Variants in ZFHX3 observed in about 807,000 individuals in gnomAD.
The protein encoded by ZFHX3 is zinc finger homeobox protein 3.
Under a neutral mutation model 279.1 loss-of-function variants are expected in ZFHX3, and 42 were observed. The observed-to-expected ratio is 0.15, with a 90% CI of 0.12 to 0.19. The LOEUF (loss-of-function observed/expected upper bound fraction) is 0.19. Among genes scored for constraint, ZFHX3 ranks in the 10% least tolerant of loss-of-function variants. ZFHX3 has a pLI of 1.00. For synonymous variants in ZFHX3, 2,293 were observed against 1,957.8 expected (o/e 1.17, Z -4.52); for missense variants, 4,981 against 4,754.0 (o/e 1.05, Z -1.40).
chr16:72,888,150 G>A (rs2038677724), intron 4 of ZFHX3, among the ~76,000 whole-genome samples: 1 of 152,172 alleles, frequency 6.6e-6, no homozygotes, highest in Admixed American at 6.5e-5. Flanking sequence ...AAGGGGGTGG[G>A]AGAGGGCCAT....
intron 4 of ZFHX3, among the ~76,000 whole-genome samples, chr16:73,296,277 C>A (rs1459852408): frequency 6.6e-6 from 1 of 152,056 alleles, no homozygotes; most frequent in East Asian, 1.9e-4. Flanking sequence ...AAGCTAAGAC[C>A]TTGTATGATA....
chr16:72,886,014 T>C (rs1243514235), intron 4 of ZFHX3, among the ~76,000 whole-genome samples: 4 of 152,190 alleles, frequency 2.6e-5, no homozygotes, highest in Admixed American at 2.0e-4. Context: ...AAATTTGAAG[T>C]TGATCATCTT....
intron 3 of ZFHX3, among the ~76,000 whole-genome samples, chr16:72,891,708 G>T (rs1302974471): frequency 6.6e-6 from 1 of 152,188 alleles, no homozygotes; most frequent in Non-Finnish European, 1.5e-5. Context: ...TCCTTTTGAA[G>T]GAGGAAATTC....
intron 1 of ZFHX3, among the ~76,000 whole-genome samples, chr16:73,834,911 C>CG (rs1031176712): frequency 1.2e-4 from 19 of 152,160 alleles, no homozygotes; most frequent in Non-Finnish European, 2.2e-4. Context: ...AGCGTCTCCC[C>CG]CCGTGGGGTC....
intron 2 of ZFHX3, among the ~76,000 whole-genome samples, chr16:73,495,395 G>A (rs1255397323): frequency 6.6e-6 from 1 of 152,158 alleles, no homozygotes; most frequent in Non-Finnish European, 1.5e-5. Flanking sequence ...GGATGCAAAC[G>A]AAAGAAATTG....
chr16:73,566,336 A>G lies in ZFHX3; in HGVS notation c.-1546-110078T>C, dbSNP rs554779419. On this transcript the variant is annotated intron_variant, in intron 2 of 17. Transcript: ENST00000641206. ...ATTTCTGGCTGTATGAGTTTCCCAGAGCTGCCATACCAAATTCCCACAAAC... is the reference window on the plus strand; with the variant it reads ...ATTTCTGGCTGTATGAGTTTCCCAGGGCTGCCATACCAAATTCCCACAAAC... Among the ~76,000 whole-genome samples, 33 of 152,346 alleles carry G rather than the reference A, an allele frequency of 2.2e-4. No homozygotes were observed. The East Asian group carries it at 6.0e-3, about 28-fold the overall frequency.
At chr16:73,074,929 C>A (rs1474809566) in intron 8 of ZFHX3, among the ~76,000 whole-genome samples, 1 of 152,076 alleles carries the variant, frequency 6.6e-6, no homozygotes, top group Non-Finnish European at 1.5e-5. Context: ...TAATTAGCCT[C>A]CCAAGTAGCT....
At chr16:73,819,922 T>C (rs1446128000) in intron 1 of ZFHX3, among the ~76,000 whole-genome samples, 1 of 152,178 alleles carries the variant, frequency 6.6e-6, no homozygotes, top group Non-Finnish European at 1.5e-5. Flanking sequence ...GCAGATCTTA[T>C]TTTCCAAAGA....
intron 5 of ZFHX3, among the ~76,000 whole-genome samples, chr16:73,178,224 G>T (rs1292731624): frequency 6.6e-6 from 1 of 151,292 alleles, no homozygotes; most frequent in East Asian, 1.9e-4. Context: ...TGCAACCTCT[G>T]CCTCCTCAGT....
At chr16:73,227,751 A>T (rs1012796733) in intron 5 of ZFHX3, among the ~76,000 whole-genome samples, 1 of 145,422 alleles carries the variant, frequency 6.9e-6, no homozygotes, top group African/African-American at 2.5e-5. Context: ...CAGGAGGCTG[A>T]GGCATGATAA....
chr16:73,781,452 G>A (rs1302751748), intron 1 of ZFHX3, among the ~76,000 whole-genome samples: 1 of 152,002 alleles, frequency 6.6e-6, no homozygotes, highest in Non-Finnish European at 1.5e-5. Flanking sequence ...CCCACTGCTT[G>A]TATTTGTAAG....
chr16:72,937,837 T>A (rs2144330203), intron 3 of ZFHX3, among the ~76,000 whole-genome samples: 1 of 152,348 alleles, frequency 6.6e-6, no homozygotes, highest in Middle Eastern at 3.4e-3. Context: ...ACTTTTTCAG[T>A]TTTCCAACAA....
chr16:73,039,964 T>C (rs972672067), intron 1 of ZFHX3, among the ~76,000 whole-genome samples: 7 of 152,224 alleles, frequency 4.6e-5, no homozygotes, highest in Non-Finnish European at 8.8e-5. Flanking sequence ...AAAATACTAC[T>C]AATAATTTAA....
At chr16:73,650,282 G>C (rs1299663847) in intron 2 of ZFHX3, among the ~76,000 whole-genome samples, 1 of 150,344 alleles carries the variant, frequency 6.7e-6, no homozygotes, top group Non-Finnish European at 1.5e-5. Context: ...AGAGAAAGCA[G>C]AAGAAGCCCA....
At chr16:72,981,199 G>A (rs1962583464) in intron 1 of ZFHX3, among the ~76,000 whole-genome samples, 3 of 152,146 alleles carry the variant, frequency 2.0e-5, no homozygotes, top group Admixed American at 2.0e-4. Flanking sequence ...TCTCTTAGAA[G>A]GTACCAAGCA....
At position 72,793,436 on chromosome 16, in the gene ZFHX3, G is replaced by A. The variant is rs1157453430; in HGVS notation, c.9246C>T (p.Asp3082=). The stretch of plus-strand genomic sequence containing the variant: ...GGACCTCGTTGGCCTTTTTAATCCG[G>A]TCCAACTCTTGTTGAGCCATCAACT... ...VRQLMAQQEL[D]RIKKANEVLG... is the part of the protein sequence containing the mutation. The change falls in exon 9 of 10, where the codon GAC becomes GAT. Residue 3082 remains aspartate, a synonymous_variant. Transcript: ENST00000268489. The surrounding 1 kb of genome is among the most constrained non-coding windows in gnomAD (Gnocchi z 4.3). The A allele has an allele frequency of 6.2e-7, 1 of 1,614,160 alleles. No homozygotes were observed. The highest frequency in any genetic ancestry group is 1.7e-5 in the Admixed American group (1 of 60,030).
At chr16:73,553,595 T>C (rs2020233930) in intron 2 of ZFHX3, among the ~76,000 whole-genome samples, 1 of 152,224 alleles carries the variant, frequency 6.6e-6, no homozygotes, top group Non-Finnish European at 1.5e-5. Flanking sequence ...TCCAAACCAC[T>C]GGTCACCTCC....
intron 8 of ZFHX3, among the ~76,000 whole-genome samples, chr16:73,091,400 A>G (rs538734997): frequency 1.2e-4 from 18 of 152,188 alleles, no homozygotes; most frequent in African/African-American, 3.9e-4. Context: ...CACTGTGCCT[A>G]TTGGCGGAAC....
chr16:73,828,160 G>T (rs1960908447), intron 1 of ZFHX3, among the ~76,000 whole-genome samples: 1 of 73,966 alleles, frequency 1.4e-5, no homozygotes, highest in East Asian at 3.6e-4. Context: ...ATTATGTAAT[G>T]GCCTTCTTTG....
Sources: gnomAD v4.1 joint callset for allele counts (sites outside exome capture counted in the v4.1 genomes callset) on GRCh38, gnomAD v4.1.1 for gene constraint, Gnocchi (gnomAD v3.1) non-coding constraint, MANE v1.5 for transcripts, NCBI Gene and HGNC (gene_info 2026-07-23, HGNC 2026-07-21) for gene names.